ZNF780B: variants seen among roughly 807,000 people sequenced by gnomAD.
The protein encoded by ZNF780B is zinc finger protein 779.
In ZNF780B, 52 loss-of-function variants were observed where a neutral mutation model predicts 74.1. The observed-to-expected ratio is 0.70, with a 90% CI of 0.56 to 0.88. The LOEUF (loss-of-function observed/expected upper bound fraction) is 0.88, where lower values mean the gene tolerates loss of function less well. ZNF780B is among the 40% of genes least tolerant of loss of function. The pLI, the probability that ZNF780B is intolerant of heterozygous loss-of-function variation, is 0.00. For missense variants in ZNF780B, 953 were observed against 1,007.6 expected (o/e 0.95, Z 0.73); for synonymous variants, 315 against 324.3 (o/e 0.97, Z 0.31).
chr19:40,039,957 A>G (rs947251460), intron 4 of ZNF780B, among the ~76,000 whole-genome samples: 10 of 151,874 alleles, frequency 6.6e-5, no homozygotes, highest in Non-Finnish European at 1.2e-4. Flanking sequence ...GTTGAACAGG[A>G]GTGGTGAGAG....
intron 4 of ZNF780B, among the ~76,000 whole-genome samples, chr19:40,041,721 AT>A (rs1384751128): frequency 6.6e-6 from 1 of 152,044 alleles, no homozygotes; most frequent in African/African-American, 2.4e-5. Context: ...AGAGACTAGG[AT>A]TGCAACCCCT....
rs922582397 is a variant in ZNF780B, at chr19:40,032,900, G to A, written c.*1457C>T. 1 of 152,962 alleles carries A rather than the reference G, an allele frequency of 6.5e-6. No homozygotes were observed. The highest frequency in any genetic ancestry group is 2.4e-5 in the African/African-American group (1 of 41,410). 9.5% of individuals were successfully genotyped at this position (152,962 alleles called of 1,614,324 possible). The stretch of plus-strand genomic sequence containing the variant: ...GTAACACACATGCTGATGTAACAAG[G>A]AGTAAAGTGTCATGATATCTAAAAC... On this transcript the variant is annotated 3_prime_UTR_variant, in exon 5 of 5. Transcript: ENST00000434248.
rs1971948308 is a variant in ZNF780B at position 40,029,217 on chromosome 19, G to T, written c.*5140C>A. On this transcript the variant is annotated 3_prime_UTR_variant, in exon 5 of 5. Coordinates refer to ENST00000434248, the MANE Select transcript of ZNF780B (RefSeq NM_001005851.3). ...CCGTTATCCCTCATACCCCAAGCTG[G>T]ATGATCACAATACCCTGTAAAAGGA... 1 of 152,278 alleles carries T rather than the reference G, an allele frequency of 6.6e-6. No individual in the cohort carries two copies. Among genetic ancestry groups the T allele is most frequent in the Non-Finnish European group, 1.5e-5 (1 of 68,086 alleles). The allele number at this position is 152,278 out of a possible 1,614,324, so 9.4% of individuals were successfully genotyped here. A position where few individuals can be genotyped will look rare whatever the true frequency, so the allele number is the denominator to read the frequency against.
intron 4 of ZNF780B, among the ~76,000 whole-genome samples, chr19:40,037,446 A>C (rs926966016): frequency 1.7e-4 from 25 of 151,422 alleles, no homozygotes; most frequent in Non-Finnish European, 3.5e-4. Context: ...CTTTATTTTT[A>C]TTTTTACTTT....
chr19:40,047,261 T>C (rs1419957557), intron 4 of ZNF780B, 114 bp downstream of exon 4: 2 of 873,212 alleles, frequency 2.3e-6, no homozygotes, highest in African/African-American at 3.3e-5. Context: ...TGGGGGACCT[T>C]GGGTTATTGA....
At position 40,034,240 on chromosome 19, in the gene ZNF780B, A is replaced by G; in HGVS notation, c.*117T>C. 1.1e-6 allele frequency: 1 copy of G among 885,220 alleles called. No individual in the cohort carries two copies. The allele number at this position is 885,220 out of a possible 1,614,324, so 54.8% of individuals were successfully genotyped here. ...ACTCTAAGGTTTCTACCACTGGTAA[A>G]GCATTTCCCACATCCTTGACATTCA... On this transcript the variant is annotated 3_prime_UTR_variant, in exon 5 of 5. Transcript: ENST00000434248.
chr19:40,053,089 A>C (rs1973310824), intron 1 of ZNF780B, among the ~76,000 whole-genome samples: 1 of 152,334 alleles, frequency 6.6e-6, no homozygotes, highest in East Asian at 1.9e-4. Context: ...AAACATAGAC[A>C]AATGAAATTA....
In ZNF780B at chr19:40,030,850, G is replaced by A. The variant is rs568371754; in HGVS notation, c.*3507C>T. On this transcript the variant is annotated 3_prime_UTR_variant, in exon 5 of 5. Transcript: ENST00000434248. The stretch of plus-strand genomic sequence containing the variant: ...GACTCTGCTGATTTCAAAGAAGAAA[G>A]TTCAAGAGAATGGATAGAAAAAAGA... 5.7e-4 allele frequency: 87 copies of A among 152,174 alleles called. No homozygotes were observed. The highest frequency in any genetic ancestry group is 2.0e-3 in the African/African-American group (84 of 41,508). The allele number at this position is 152,174 out of a possible 1,614,324, so 9.4% of individuals were successfully genotyped here. A position where few individuals can be genotyped will look rare whatever the true frequency, so the allele number is the denominator to read the frequency against.
chr19:40,039,129 T>C (rs1405418630), intron 4 of ZNF780B, among the ~76,000 whole-genome samples: 14 of 151,324 alleles, frequency 9.3e-5, no homozygotes, highest in Non-Finnish European at 1.8e-4. Context: ...TTTCTACATA[T>C]GGCTAGCCAG....
In ZNF780B at chr19:40,035,236, G is replaced by C; in HGVS notation, c.1623C>G (p.His541Gln). The stretch of plus-strand genomic sequence containing the variant: ...TTTTCTCATGTTGAGAAAGTTGTAG[G>C]TGAAGTCTAAAAGCCTTCCCACACT... ...CKECGKAFRL[H>Q]LQLSQHEKTH... Residue 541 changes from histidine (H) to glutamine (Q), a missense_variant, in exon 5 of 5, where the codon CAC becomes CAG. By Grantham distance (24) the His-to-Gln change is conservative. Coordinates refer to ENST00000434248, the MANE Select transcript of ZNF780B (RefSeq NM_001005851.3). The C allele has an allele frequency of 6.2e-7, 1 of 1,613,136 alleles. No individual in the cohort carries two copies.
At position 40,034,166 on chromosome 19, in the gene ZNF780B, A is replaced by C. The variant is rs544713254; in HGVS notation, c.*191T>G. 5 of 660,938 alleles carry C rather than the reference A, an allele frequency of 7.6e-6. No homozygotes were observed. In the Admixed American group the frequency reaches 1.0e-4, roughly 14 times the overall value. 40.9% of individuals were successfully genotyped at this position (660,938 alleles called of 1,614,324 possible). A position where few individuals can be genotyped will look rare whatever the true frequency, so the allele number is the denominator to read the frequency against. ...TTGAACTATGACTAAAGGCTTTCCC[A>C]CATTCTTCACATTGATATGGTTTCT... On this transcript the variant is annotated 3_prime_UTR_variant, in exon 5 of 5. Coordinates refer to ENST00000434248, the MANE Select transcript of ZNF780B (RefSeq NM_001005851.3).
intron 3 of ZNF780B, among the ~76,000 whole-genome samples, chr19:40,048,075 T>G (rs1439639103): frequency 6.6e-6 from 1 of 152,160 alleles, no homozygotes; most frequent in African/African-American, 2.4e-5. Context: ...TCGAAGGAAA[T>G]GGAATATACT....
In ZNF780B at chr19:40,035,062, G is replaced by C; in HGVS notation, c.1797C>G (p.His599Gln). ...ECGKAFRLHM[H>Q]LIRHQKFHTG... ...TATGAAATTTCTGATGTCGAATAAG[G>C]TGCATATGAAGTCGAAAGGCTTTCC... The change falls in exon 5 of 5, where the codon CAC (histidine) becomes CAG (glutamine). Residue 599 changes from histidine (H) to glutamine (Q), a missense_variant. Coordinates refer to ENST00000434248, the MANE Select transcript of ZNF780B (RefSeq NM_001005851.3). 6.2e-7 allele frequency: 1 copy of C among 1,613,614 alleles called. No homozygotes were observed.
At position 40,031,685 on chromosome 19, in the gene ZNF780B, T is replaced by TTTGCCCC; in HGVS notation, c.*2671_*2672insGGGGCAA. On this transcript the variant is annotated 3_prime_UTR_variant, in exon 5 of 5. Transcript: ENST00000434248. ...CCCTATACAATCCAAAGGGTGCCAG[T>TTTGCCCC]TTTGTACTGAGTACAGTGTCAGCCA... The TTTGCCCC allele has an allele frequency of 5.8e-6, 1 of 171,098 alleles. No individual in the cohort carries two copies. The highest frequency in any genetic ancestry group is 5.7e-5 in the Admixed American group (1 of 17,452). 10.6% of individuals were successfully genotyped at this position (171,098 alleles called of 1,614,324 possible). A position where few individuals can be genotyped will look rare whatever the true frequency, so the allele number is the denominator to read the frequency against.
intron 1 of ZNF780B, 32 bp downstream of exon 1, chr19:40,056,157 A>G (rs1973491168): frequency 6.6e-6 from 1 of 152,256 alleles, no homozygotes; most frequent in Admixed American, 6.5e-5. Context: ...TCCCGCAGCC[A>G]CCGATTTCTT....
At position 40,030,460 on chromosome 19, in the gene ZNF780B, G is replaced by T. The variant is rs374439909; in HGVS notation, c.*3897C>A. 3 of 152,146 alleles carry T rather than the reference G, an allele frequency of 2.0e-5. No individual in the cohort carries two copies. Among genetic ancestry groups the T allele is most frequent in the African/African-American group, 7.2e-5 (3 of 41,410 alleles). The allele number at this position is 152,146 out of a possible 1,614,324, so 9.4% of individuals were successfully genotyped here. On this transcript the variant is annotated 3_prime_UTR_variant, in exon 5 of 5. Transcript: ENST00000434248. Reference sequence around the variant, plus strand: ...CATTAGGCCCCACCTCCAACATTGGGATCAAACTTCAATATGAGATTTGGA... The same window carrying T: ...CATTAGGCCCCACCTCCAACATTGGTATCAAACTTCAATATGAGATTTGGA...
At position 40,031,731 on chromosome 19, in the gene ZNF780B, G is replaced by A. The variant is rs1972008889; in HGVS notation, c.*2626C>T. On this transcript the variant is annotated 3_prime_UTR_variant, in exon 5 of 5. Transcript: ENST00000434248. ...AGCCATATCACACAAGTTGAATTATGTTGACGCTTTAATGGCATTCATTTC... is the reference window on the plus strand; with the variant it reads ...AGCCATATCACACAAGTTGAATTATATTGACGCTTTAATGGCATTCATTTC... 1 of 225,180 alleles carries A rather than the reference G, an allele frequency of 4.4e-6. No homozygotes were observed. Among genetic ancestry groups the A allele is most frequent in the Non-Finnish European group, 9.1e-6 (1 of 110,460 alleles). 13.9% of individuals were successfully genotyped at this position (225,180 alleles called of 1,614,324 possible).
chr19:40,032,883 C>T lies in ZNF780B; in HGVS notation c.*1474G>A, dbSNP rs540128366. 2 of 153,204 alleles carry T rather than the reference C, an allele frequency of 1.3e-5. No homozygotes were observed. The highest frequency in any genetic ancestry group is 2.1e-4 in the South Asian group (1 of 4,812). The allele number at this position is 153,204 out of a possible 1,614,324, so 9.5% of individuals were successfully genotyped here. A position where few individuals can be genotyped will look rare whatever the true frequency, so the allele number is the denominator to read the frequency against. The stretch of plus-strand genomic sequence containing the variant: ...ATTGTCTTTATGTTTGGGTAACACA[C>T]ATGCTGATGTAACAAGGAGTAAAGT... On this transcript the variant is annotated 3_prime_UTR_variant, in exon 5 of 5. Transcript: ENST00000434248.
chr19:40,039,479 T>C (rs1194740645), intron 4 of ZNF780B, among the ~76,000 whole-genome samples: 2 of 151,976 alleles, frequency 1.3e-5, no homozygotes, highest in African/African-American at 2.4e-5. Flanking sequence ...GGGGATGGCA[T>C]TGAATCTATA....
Sources: gnomAD v4.1 joint callset for allele counts (sites outside exome capture counted in the v4.1 genomes callset) on GRCh38, gnomAD v4.1.1 for gene constraint, MANE v1.5 for transcripts, NCBI Gene and HGNC (gene_info 2026-07-23, HGNC 2026-07-21) for gene names.